Variants in SLC27A3 observed in about 807,000 individuals in gnomAD.
SLC27A3 encodes the protein long-chain fatty acid transport protein 3.
In SLC27A3, 60 loss-of-function variants were observed where a neutral mutation model predicts 60.1. The observed-to-expected ratio is 1.00, with a 90% CI of 0.81 to 1.24. SLC27A3 has a LOEUF of 1.24. Among genes scored for constraint, SLC27A3 ranks in the 50% most tolerant of loss-of-function variants. The pLI is 0.00. For synonymous variants in SLC27A3, 455 were observed against 409.0 expected, an observed-to-expected ratio of 1.11 and a Z score of -1.36; for missense variants, 1,079 against 929.9, an observed-to-expected ratio of 1.16 and a Z score of -2.09.
intron 9 of SLC27A3, 83 bp from the exon 10 acceptor site, chr1:153,779,743 T>C: frequency 7.4e-7 from 1 of 1,351,518 alleles, no homozygotes; most frequent in Non-Finnish European, 1.0e-6. Flanking sequence ...CAAGACTTGC[T>C]CCTTAACAAA....
intron 2 of SLC27A3, 76 bp downstream of exon 2, chr1:153,776,803 T>C (rs1673254558): frequency 7.2e-7 from 1 of 1,397,842 alleles, no homozygotes; most frequent in Non-Finnish European, 1.0e-6. Context: ...AGACCACTCC[T>C]TCAAAGCCCC....
rs1409615052 is a variant in SLC27A3 at position 153,776,053 on chromosome 1, G to C, written c.556G>C (p.Gly186Arg). Residue 186 changes from glycine (G) to arginine (R), a missense_variant, in exon 1 of 10, where the codon GGG (glycine) becomes CGG (arginine). Transcript: ENST00000624995. ...CCCAGAGTTTCTGTGGCTCTGGTTC[G>C]GGCTGGCCAAGGCCGGCCTGCGCAC... is the stretch of plus-strand genomic sequence containing the variant. Reference protein sequence around the residue: ...AGPEFLWLWFGLAKAGLRTAF... With the variant: ...AGPEFLWLWFRLAKAGLRTAF... 6.8e-7 allele frequency: 1 copy of C among 1,464,156 alleles called. No individual in the cohort carries two copies. The highest frequency in any genetic ancestry group is 8.9e-7 in the Non-Finnish European group (1 of 1,117,356). The allele number at this position is 1,464,156 out of a possible 1,614,324, so 90.7% of individuals were successfully genotyped here.
chr1:153,779,333 C>T lies in SLC27A3; in HGVS notation c.1745-10C>T, dbSNP rs759758750. On this transcript the variant is annotated splice_polypyrimidine_tract_variant and intron_variant, in intron 8 of 9. Transcript: ENST00000624995. ...ATGGAGGGGCTTACTCTGTCTCCCA[C>T]ACCCACCAGGGCATGAAGGCAGGGC... 1.2e-6 allele frequency: 2 copies of T among 1,613,842 alleles called. No individual in the cohort carries two copies. The highest frequency in any genetic ancestry group is 1.7e-6 in the Non-Finnish European group (2 of 1,179,822).
In SLC27A3 at chr1:153,776,736, C is replaced by A. The variant is rs772077480; in HGVS notation, c.877+9C>A. ...CACCTCTGGCACCACGGGTGAGGGC[C>A]GGGCACCATACTTAGCTCCCCGAAA... On this transcript the variant is annotated intron_variant, in intron 2 of 9. Coordinates refer to ENST00000624995, the MANE Select transcript of SLC27A3 (RefSeq NM_024330.4). 2.5e-6 allele frequency: 4 copies of A among 1,613,720 alleles called. No homozygotes were observed. Among genetic ancestry groups the A allele is most frequent in the Non-Finnish European group, 3.4e-6 (4 of 1,179,784 alleles).
Position 153,776,988 on chromosome 1 carries a change from G to T in SLC27A3, c.878-74G>T, listed in dbSNP as rs529940398. The T allele has an allele frequency of 1.1e-4, 171 of 1,525,106 alleles. No individual in the cohort carries two copies. The African/African-American group carries it at 1.9e-3, about 17-fold the overall frequency. The allele number at this position is 1,525,106 out of a possible 1,614,324, so 94.5% of individuals were successfully genotyped here. A position where few individuals can be genotyped will look rare whatever the true frequency, so the allele number is the denominator to read the frequency against. ...TCCGCCTCTTTCTGTGGGAAACCCA[G>T]CGGGGGTGCAAACAGATAGGTAGAG... On this transcript the variant is annotated intron_variant, in intron 2 of 9. Coordinates refer to ENST00000624995, the MANE Select transcript of SLC27A3 (RefSeq NM_024330.4).
At chr1:153,777,321 A>G in intron 3 of SLC27A3, 101 bp downstream of exon 3, 2 of 1,418,316 alleles carry the variant, frequency 1.4e-6, no homozygotes, top group Non-Finnish European at 2.0e-6. Context: ...TAGAGGACGG[A>G]TGGGGCAGAG....
rs773343272 is a variant in SLC27A3, at chr1:153,778,708, C to A, written c.1469C>A (p.Ala490Asp). ...TSPGEPGLLVAPVSQQSPFLG... is the reference protein window; with the variant it reads ...TSPGEPGLLVDPVSQQSPFLG... ...CCAGGTGAGCCAGGGCTGCTGGTGG[C>A]CCCGGTAAGCCAGCAGTCCCCATTC... The change falls in exon 7 of 10, where the codon GCC (alanine) becomes GAC (aspartate). Residue 490 changes from alanine to aspartate, a missense_variant. Physicochemically the swap from Ala to Asp is moderately radical, Grantham distance 126. Transcript: ENST00000624995. The A allele has an allele frequency of 9.3e-6, 15 of 1,612,758 alleles. No individual in the cohort carries two copies. In the African/African-American group the frequency reaches 1.9e-4, roughly 20 times the overall value.
rs1175053090 is a variant in SLC27A3 at position 153,775,449 on chromosome 1, GT to G, written c.-46del. The G allele has an allele frequency of 1.1e-5, 17 of 1,612,434 alleles. 1 individual carries two copies. The South Asian group carries it at 1.9e-4, about 18-fold the overall frequency. ...GTTTTCGGAAGGGAGGATCAGGGAT[GT>G]TTGCGAGCGGCTGGAACCAGACGGT... On this transcript the variant is annotated 5_prime_UTR_variant, in exon 1 of 10. It introduces an in-frame stop codon into an upstream open reading frame of the 5' UTR. Coordinates refer to ENST00000624995, the MANE Select transcript of SLC27A3 (RefSeq NM_024330.4).
Position 153,777,869 on chromosome 1 carries a change from T to C in SLC27A3, c.1145T>C (p.Leu382Pro), listed in dbSNP as rs761700019. The C allele has an allele frequency of 3.1e-6, 5 of 1,614,106 alleles. No individual in the cohort carries two copies. The African/African-American group carries it at 5.3e-5, about 17-fold the overall frequency. The change falls in exon 4 of 10, where the codon CTT (leucine) becomes CCT (proline). Residue 382 changes from leucine (L) to proline (P), a missense_variant. Transcript: ENST00000624995. ...FQYIGELCRY[L>P]VNQPPSKAER... is the part of the protein sequence containing the mutation. The stretch of plus-strand genomic sequence containing the variant: ...TACATTGGGGAGCTGTGCCGATACC[T>C]TGTCAACCAGCCCCCGGTGCGTGGG...
rs1673371882 is a variant in SLC27A3 at position 153,778,745 on chromosome 1, T to C, written c.1506T>C (p.Ala502=). The C allele has an allele frequency of 1.9e-6, 3 of 1,613,774 alleles. No individual in the cohort carries two copies. Among genetic ancestry groups the C allele is most frequent in the Non-Finnish European group, 1.7e-6 (2 of 1,180,018 alleles). Reference sequence around the variant, plus strand: ...AGCAGTCCCCATTCCTGGGCTATGCTGGCGGGCCAGAGCTGGCCCAGGGGA... The same window carrying C: ...AGCAGTCCCCATTCCTGGGCTATGCCGGCGGGCCAGAGCTGGCCCAGGGGA... The part of the protein sequence containing the change: ...VSQQSPFLGY[A]GGPELAQGKL... The change falls in exon 7 of 10, where the codon GCT becomes GCC. Residue 502 remains alanine (A), a synonymous_variant. Transcript: ENST00000624995.
chr1:153,778,293 G>C lies in SLC27A3; in HGVS notation c.1294G>C (p.Val432Leu), dbSNP rs139458875. The change falls in exon 5 of 10, where the codon GTG becomes CTG. Residue 432 changes from valine to leucine, a missense_variant. Physicochemically the swap from Val to Leu is conservative, Grantham distance 32 (BLOSUM62 1). Coordinates refer to ENST00000624995, the MANE Select transcript of SLC27A3 (RefSeq NM_024330.4). The part of the protein sequence containing the change: ...LETYGLTEGN[V>L]ATINYTGQRG... Reference sequence around the variant, plus strand: ...GACATATGGACTGACAGAGGGCAACGTGGCCACCATCAACTACACAGGACA... The same window carrying C: ...GACATATGGACTGACAGAGGGCAACCTGGCCACCATCAACTACACAGGACA... The C allele has an allele frequency of 6.2e-7, 1 of 1,614,206 alleles. No homozygotes were observed. Among genetic ancestry groups the C allele is most frequent in the Non-Finnish European group, 8.5e-7 (1 of 1,180,034 alleles).
chr1:153,778,547 T>A lies in SLC27A3; in HGVS notation c.1441T>A (p.Ser481Thr), dbSNP rs745394130. The change falls in exon 6 of 10, where the codon TCT becomes ACT. Residue 481 changes from serine to threonine, a missense_variant. Ser to Thr is a moderately conservative substitution (Grantham distance 58). Coordinates refer to ENST00000624995, the MANE Select transcript of SLC27A3 (RefSeq NM_024330.4). ...CCCCCAGGGGCACTGTATGGCCACA[T>A]CTCCAGGTTGGTGGTGTTCTGGTGG... is the stretch of plus-strand genomic sequence containing the variant. Reference protein sequence around the residue: ...RDPQGHCMATSPGEPGLLVAP... With the variant: ...RDPQGHCMATTPGEPGLLVAP... The A allele has an allele frequency of 6.2e-7, 1 of 1,613,878 alleles. No individual in the cohort carries two copies. The highest frequency in any genetic ancestry group is 8.5e-7 in the Non-Finnish European group (1 of 1,179,852).
Position 153,779,925 on chromosome 1 carries a change from G to A in SLC27A3, c.1975G>A (p.Asp659Asn), listed in dbSNP as rs755542549. The change falls in exon 10 of 10, where the codon GAC becomes AAC. Residue 659 changes from aspartate (D) to asparagine (N), a missense_variant. By Grantham distance (23) the Asp-to-Asn change is conservative (BLOSUM62 1). Transcript: ENST00000624995. ...CCTGTCTGACCCACTGTACGTTCTG[G>A]ACCAGGCTGTAGGTGCCTACCTGCC... The part of the protein sequence containing the change: ...STLSDPLYVL[D>N]QAVGAYLPLT... The A allele has an allele frequency of 3.7e-6, 6 of 1,614,066 alleles. No homozygotes were observed. In the East Asian group the frequency reaches 6.7e-5, roughly 18 times the overall value.
rs1278450182 is a variant in SLC27A3 at position 153,775,663 on chromosome 1, G to A, written c.166G>A (p.Ala56Thr). ...LRARALAAAA[A>T]DPEGPEGGCS... is the part of the protein sequence containing the mutation. ...AGCTCGCGCCCTGGCCGCGGCTGCC[G>A]CCGACCCGGAAGGTCCCGAGGGGGG... is the stretch of plus-strand genomic sequence containing the variant. The change falls in exon 1 of 10, where the codon GCC (alanine) becomes ACC (threonine). Residue 56 changes from alanine to threonine, a missense_variant. Physicochemically the swap from Ala to Thr is moderately conservative, Grantham distance 58. Coordinates refer to ENST00000624995, the MANE Select transcript of SLC27A3 (RefSeq NM_024330.4). The A allele has an allele frequency of 2.6e-6, 4 of 1,530,782 alleles. No homozygotes were observed. Among genetic ancestry groups the A allele is most frequent in the East Asian group, 4.7e-5 (2 of 42,688 alleles). The allele number at this position is 1,530,782 out of a possible 1,614,324, so 94.8% of individuals were successfully genotyped here.
In SLC27A3 at chr1:153,779,981, G is replaced by A; in HGVS notation, c.2031G>A (p.Leu677=). ...CAACTGCCCGGTACAGCGCCCTCCT[G>A]GCAGGAAACCTTCGAATCTGAGAAC... ...PLTTARYSAL[L]AGNLRI Residue 677 remains leucine (L), a synonymous_variant, in exon 10 of 10, where the codon CTG becomes CTA. Transcript: ENST00000624995. 2 of 1,613,364 alleles carry A rather than the reference G, an allele frequency of 1.2e-6. No individual in the cohort carries two copies. The highest frequency in any genetic ancestry group is 8.5e-7 in the Non-Finnish European group (1 of 1,179,688).
In SLC27A3 at chr1:153,779,183, G is replaced by A; in HGVS notation, c.1716G>A (p.Glu572=). The A allele has an allele frequency of 6.2e-7, 1 of 1,614,170 alleles. No individual in the cohort carries two copies. Among genetic ancestry groups the A allele is most frequent in the Non-Finnish European group, 8.5e-7 (1 of 1,180,024 alleles). ...EVFEALDFLQ[E]VNVYGVTVPG... The stretch of plus-strand genomic sequence containing the variant: ...TCGAGGCCCTAGATTTTCTTCAGGA[G>A]GTGAACGTCTATGGAGTCACTGTGC... The change falls in exon 8 of 10, where the codon GAG becomes GAA. Residue 572 remains glutamate, a synonymous_variant. Transcript: ENST00000624995.
rs1357573831 is a variant in SLC27A3, at chr1:153,776,669, C to G, written c.819C>G (p.Leu273=). ...TGGATGGGCCAGTGCCAGGATACCT[C>G]TCTTCCCCCCAGAGCATAACAGACA... ...AEVDGPVPGY[L]SSPQSITDTC... is the part of the protein sequence containing the mutation. Residue 273 remains leucine, a synonymous_variant, in exon 2 of 10, where the codon CTC becomes CTG. Transcript: ENST00000624995. 1.2e-6 allele frequency: 2 copies of G among 1,614,136 alleles called. No homozygotes were observed. Among genetic ancestry groups the G allele is most frequent in the Non-Finnish European group, 1.7e-6 (2 of 1,179,984 alleles).
rs370825283 is a variant in SLC27A3, at chr1:153,778,114, C to G, written c.1162-47C>G. The G allele has an allele frequency of 5.1e-6, 8 of 1,561,944 alleles. No homozygotes were observed. In the East Asian group the frequency reaches 1.3e-4, roughly 26 times the overall value. ...GGGAACAGGAATTCACTTCCGGGAG[C>G]GGGCATCTTGATGCTGAAGCTCCGG... is the stretch of plus-strand genomic sequence containing the variant. On this transcript the variant is annotated intron_variant, in intron 4 of 9. Coordinates refer to ENST00000624995, the MANE Select transcript of SLC27A3 (RefSeq NM_024330.4).
chr1:153,775,717 C>T lies in SLC27A3; in HGVS notation c.220C>T (p.Leu74=), dbSNP rs748540383. 6.5e-7 allele frequency: 1 copy of T among 1,528,698 alleles called. No individual in the cohort carries two copies. The highest frequency in any genetic ancestry group is 8.8e-7 in the Non-Finnish European group (1 of 1,142,656). The allele number at this position is 1,528,698 out of a possible 1,614,324, so 94.7% of individuals were successfully genotyped here. The change falls in exon 1 of 10, where the codon CTG becomes TTG. Residue 74 remains leucine (L), a synonymous_variant. Transcript: ENST00000624995. ...GCSLAWRLAE[L]AQQRAAHTFL... is the part of the protein sequence containing the mutation. ...CAGCCTGGCCTGGCGCCTCGCGGAA[C>T]TGGCCCAGCAGCGCGCCGCGCACAC... is the stretch of plus-strand genomic sequence containing the variant.
Sources: allele counts gnomAD v4.1 joint callset, GRCh38; gene constraint gnomAD v4.1.1; transcripts MANE v1.5; gene names NCBI Gene and HGNC (gene_info 2026-07-23, HGNC 2026-07-21).